SLC25A48: variants seen among roughly 807,000 people sequenced by gnomAD.
SLC25A48 encodes CTC-321K16.1.
SLC25A48 carries 29 observed loss-of-function variants against 32.2 expected under a neutral mutation model. That is an observed-to-expected ratio of 0.90 (90% CI 0.67 to 1.23). The LOEUF is 1.23. SLC25A48 is among the 50% of genes most tolerant of loss of function. The pLI is 0.00. For synonymous variants in SLC25A48, 164 were observed against 172.3 expected (o/e 0.95, Z 0.38); for missense variants, 399 against 422.7 (o/e 0.94, Z 0.49).
intron 5 of SLC25A48, among the ~76,000 whole-genome samples, chr5:135,872,959 C>T (rs1334418634): frequency 6.6e-6 from 1 of 152,218 alleles, no homozygotes; most frequent in Non-Finnish European, 1.5e-5. Flanking sequence ...TACCGACTGG[C>T]AGAGAGGACG....
chr5:135,595,763 A>C (rs754030259), intron 1 of SLC25A48, among the ~76,000 whole-genome samples: 1 of 152,238 alleles, frequency 6.6e-6, no homozygotes, highest in African/African-American at 2.4e-5. Context: ...TGAAGATTAC[A>C]TGAAGAAATA....
At chr5:135,625,038 T>C (rs1037561556) in intron 1 of SLC25A48, among the ~76,000 whole-genome samples, 2 of 152,154 alleles carry the variant, frequency 1.3e-5, no homozygotes, top group Non-Finnish European at 2.9e-5. Context: ...GGATGAGCCA[T>C]GTGCTCAGAG....
chr5:135,746,436 A>G, intron 3 of SLC25A48: 1 of 206,508 alleles, frequency 4.8e-6, no homozygotes. Flanking sequence ...CCAGGAACTC[A>G]CGTGAGGCAC....
chr5:135,818,076 TC>T (rs1580912588), intron 4 of SLC25A48, among the ~76,000 whole-genome samples: 1 of 61,506 alleles, frequency 1.6e-5, no homozygotes, highest in East Asian at 3.1e-4. Flanking sequence ...TCTCTCTCTC[TC>T]TCTCTCTCTC....
At chr5:135,740,450 C>T (rs577421850) in intron 3 of SLC25A48, among the ~76,000 whole-genome samples, 3 of 152,074 alleles carry the variant, frequency 2.0e-5, no homozygotes, top group Non-Finnish European at 2.9e-5. Flanking sequence ...CTGCCTTGGG[C>T]GGGGGGTGCA....
At chr5:135,664,858 A>G (rs1753485231) in intron 3 of SLC25A48, among the ~76,000 whole-genome samples, 1 of 152,160 alleles carries the variant, frequency 6.6e-6, no homozygotes, top group South Asian at 2.1e-4. Context: ...ATATCTTTGC[A>G]ATTGTGAATT....
intron 6 of SLC25A48, among the ~76,000 whole-genome samples, chr5:135,874,459 T>C (rs1291644716): frequency 6.6e-6 from 1 of 152,226 alleles, no homozygotes; most frequent in Non-Finnish European, 1.5e-5. Flanking sequence ...CTCCGCATTT[T>C]GCCTTCTCAT....
rs565987486 is a variant in SLC25A48 at position 135,673,367 on chromosome 5, A to G, written c.-521+38411A>G. 5.9e-5 allele frequency among the ~76,000 whole-genome samples: 9 copies of G among 152,286 alleles called. No homozygotes were observed. The South Asian group carries it at 8.3e-4, about 14-fold the overall frequency. ...CTCCAGAAATGCCTCTGAGAGTTTC[A>G]GTTCCTGCCCATGCTAACACTTGAT... is the stretch of plus-strand genomic sequence containing the variant. On this transcript the variant is annotated intron_variant, in intron 3 of 10. Transcript: ENST00000646290.
chr5:135,839,672 GT>G (rs1293643919), intron 1 of SLC25A48, among the ~76,000 whole-genome samples: 1 of 152,144 alleles, frequency 6.6e-6, no homozygotes, highest in Non-Finnish European at 1.5e-5. Flanking sequence ...GAATGATATA[GT>G]TTGGCTGTGT....
chr5:135,599,097 G>A (rs1751727081), intron 1 of SLC25A48, among the ~76,000 whole-genome samples: 2 of 152,102 alleles, frequency 1.3e-5, no homozygotes, highest in South Asian at 4.2e-4. Context: ...GGCCAAGAGT[G>A]TGACTCATTC....
At chr5:135,650,944 G>A (rs552094895) in intron 3 of SLC25A48, among the ~76,000 whole-genome samples, 35 of 152,224 alleles carry the variant, frequency 2.3e-4, no homozygotes, top group Admixed American at 9.8e-4. Context: ...CTTCCTCTCT[G>A]GCGCCACTTC....
At chr5:135,649,349 AG>A (rs1753048690) in intron 3 of SLC25A48, 1 of 152,212 alleles carries the variant, frequency 6.6e-6, no homozygotes, top group Non-Finnish European at 1.5e-5. Context: ...GGGGGACATG[AG>A]TCTATAAGGC....
rs10479106 is a variant in SLC25A48, at chr5:135,737,417, A to G, written c.-520-75106A>G. Among the ~76,000 whole-genome samples, 636 of 152,290 alleles carry G rather than the reference A, an allele frequency of 4.2e-3. 3 individuals carry two copies. Among genetic ancestry groups the G allele is most frequent in the African/African-American group, 0.015 (611 of 41,558 alleles). ...TCTTTTGTGATTCTTCAGTTACTTC[A>G]GGCCATCTGGATGTATATGTGCAGG... On this transcript the variant is annotated intron_variant, in intron 3 of 10. Coordinates refer to the SLC25A48 transcript ENST00000646290.
intron 1 of SLC25A48, among the ~76,000 whole-genome samples, chr5:135,618,381 T>C (rs551162817): frequency 1.6e-3 from 237 of 152,214 alleles, no homozygotes; most frequent in African/African-American, 5.5e-3. Context: ...AATCTCTATC[T>C]TTTAAGTGTA....
chr5:135,746,942 T>C (rs73789125), intron 3 of SLC25A48, among the ~76,000 whole-genome samples: 6,510 of 152,160 alleles, frequency 0.043, 280 homozygotes, highest in African/African-American at 0.11. Context: ...TTGATTTGTC[T>C]GATCCTCTCC....
At chr5:135,777,644 A>G (rs1384721791) in intron 3 of SLC25A48, among the ~76,000 whole-genome samples, 1 of 151,708 alleles carries the variant, frequency 6.6e-6, no homozygotes, top group Non-Finnish European at 1.5e-5. Context: ...CGAGGAGGAG[A>G]GAGGATATTA....
intron 4 of SLC25A48, among the ~76,000 whole-genome samples, chr5:135,816,275 A>G (rs1282591213): frequency 6.6e-6 from 1 of 152,252 alleles, no homozygotes; most frequent in East Asian, 1.9e-4. Context: ...AAACCATATC[A>G]GATGTGGTAA....
Position 135,834,913 on chromosome 5 carries a change from AC to A in SLC25A48, c.46+25del. Reference sequence around the variant, plus strand: ...TCGGAGGTGAGTGTGCTTACCGGGGACCCCCGGTCAGAGAGAGCGAGCCTGG... The same window carrying A: ...TCGGAGGTGAGTGTGCTTACCGGGGACCCCGGTCAGAGAGAGCGAGCCTGG... On this transcript the variant is annotated intron_variant, in intron 1 of 7. Coordinates refer to ENST00000681962, the MANE Select transcript of SLC25A48 (RefSeq NM_001349336.2). 1.3e-6 allele frequency: 2 copies of A among 1,596,768 alleles called. No individual in the cohort carries two copies. Among genetic ancestry groups the A allele is most frequent in the Non-Finnish European group, 1.7e-6 (2 of 1,172,066 alleles).
chr5:135,876,816 C>G (rs558398112), intron 6 of SLC25A48, among the ~76,000 whole-genome samples: 1 of 152,270 alleles, frequency 6.6e-6, no homozygotes, highest in South Asian at 2.1e-4. Context: ...AGGCAGTTTT[C>G]TGGCAGCCGC....
Sources: allele counts gnomAD v4.1 joint callset (sites outside exome capture counted in the v4.1 genomes callset), GRCh38; gene constraint gnomAD v4.1.1; transcripts MANE v1.5; gene names NCBI Gene and HGNC (gene_info 2026-07-23, HGNC 2026-07-21).